The following FAM227A variants were observed in gnomAD, a reference collection of about 807,000 sequenced individuals.
FAM227A encodes the protein family with sequence similarity 227 member A.
A neutral mutation model predicts 74.7 loss-of-function variants in FAM227A; 80 were observed. The observed-to-expected ratio is 1.07, with a 90% CI of 0.89 to 1.29. The LOEUF (loss-of-function observed/expected upper bound fraction) is 1.29. FAM227A is among the 50% of genes most tolerant of loss of function. The pLI is 0.00. For synonymous variants in FAM227A, 237 were observed against 241.8 expected (o/e 0.98, Z 0.19); for missense variants, 654 against 683.4 (o/e 0.96, Z 0.48).
At chr22:38,620,839 G>T in intron 10 of FAM227A, among the ~76,000 whole-genome samples, 1 of 151,926 alleles carries the variant, frequency 6.6e-6, no homozygotes, top group African/African-American at 2.4e-5. Context: ...AGTATGCACA[G>T]CTCTGTGCAT....
intron 11 of FAM227A, among the ~76,000 whole-genome samples, chr22:38,612,757 A>G (rs890585183): frequency 6.6e-6 from 1 of 151,976 alleles, no homozygotes; most frequent in African/African-American, 2.4e-5. Context: ...TTCAAGGAGT[A>G]GAGTAGAACT....
chr22:38,603,065 G>A (rs1245398766), intron 13 of FAM227A, among the ~76,000 whole-genome samples: 1 of 152,064 alleles, frequency 6.6e-6, no homozygotes, highest in East Asian at 1.9e-4. Context: ...GTAGAGGTGG[G>A]GTTTCGCCAT....
At chr22:38,617,023 G>A (rs1311475958) in intron 11 of FAM227A, among the ~76,000 whole-genome samples, 1 of 152,050 alleles carries the variant, frequency 6.6e-6, no homozygotes, top group Non-Finnish European at 1.5e-5. Context: ...TCCCTGGGTG[G>A]TGCTGGGGAG....
intron 3 of FAM227A, among the ~76,000 whole-genome samples, chr22:38,640,793 C>T (rs1356739938): frequency 1.3e-5 from 2 of 152,158 alleles, no homozygotes; most frequent in East Asian, 3.9e-4. Flanking sequence ...CATCAGGCTC[C>T]TGAGCTTGAT....
chr22:38,650,526 T>C (rs1233696274), intron 1 of FAM227A, among the ~76,000 whole-genome samples: 1 of 152,178 alleles, frequency 6.6e-6, no homozygotes. Flanking sequence ...GAAACTAGAA[T>C]GCGGAAAAGG....
intron 8 of FAM227A, among the ~76,000 whole-genome samples, chr22:38,626,887 AAAAAATATATATATATAT>A (rs1240639995): frequency 2.1e-5 from 2 of 96,286 alleles, no homozygotes; most frequent in African/African-American, 9.3e-5. Flanking sequence ...AAAAAAAAAA[AAAAAATATATATATATAT>A]ATATATATAC....
intron 11 of FAM227A, among the ~76,000 whole-genome samples, chr22:38,611,573 G>A (rs559896203): frequency 3.9e-5 from 6 of 152,220 alleles, no homozygotes; most frequent in African/African-American, 1.2e-4. Flanking sequence ...AATACCAGTC[G>A]CGATGCCCAT....
At chr22:38,613,166 C>T (rs2091468644) in intron 11 of FAM227A, among the ~76,000 whole-genome samples, 1 of 67,288 alleles carries the variant, frequency 1.5e-5, no homozygotes, top group Non-Finnish European at 2.5e-5. Context: ...TATATCTATG[C>T]TGTATATATA....
chr22:38,641,073 T>C (rs1271707501), intron 3 of FAM227A, among the ~76,000 whole-genome samples: 4 of 152,190 alleles, frequency 2.6e-5, no homozygotes, highest in Admixed American at 6.5e-5. Flanking sequence ...AATGTCATTA[T>C]AGCAGACACT....
At chr22:38,632,013 G>A (rs532647452) in intron 6 of FAM227A, among the ~76,000 whole-genome samples, 2 of 152,264 alleles carry the variant, frequency 1.3e-5, no homozygotes, top group South Asian at 4.1e-4. Flanking sequence ...AGTGCGCAGA[G>A]GTAGAGATGA....
At chr22:38,613,031 G>A (rs990347085) in intron 11 of FAM227A, among the ~76,000 whole-genome samples, 2 of 117,140 alleles carry the variant, frequency 1.7e-5, no homozygotes, top group Admixed American at 1.2e-4. Context: ...ATTCTACAAA[G>A]AAATATATTT....
intron 2 of FAM227A, among the ~76,000 whole-genome samples, chr22:38,647,714 C>T (rs565719460): frequency 2.6e-5 from 4 of 152,134 alleles, no homozygotes; most frequent in African/African-American, 9.6e-5. Context: ...TTTGTAAAAC[C>T]CCCATAATCC....
At chr22:38,593,619 T>A (rs1244983918) in intron 15 of FAM227A, among the ~76,000 whole-genome samples, 1 of 152,174 alleles carries the variant, frequency 6.6e-6, no homozygotes, top group African/African-American at 2.4e-5. Context: ...CCCTTCTCCA[T>A]CCCGACCCTC....
intron 10 of FAM227A, among the ~76,000 whole-genome samples, chr22:38,620,570 G>A (rs1410800197): frequency 4.6e-5 from 7 of 151,732 alleles, no homozygotes; most frequent in African/African-American, 1.5e-4. Flanking sequence ...TTGGGAGGCC[G>A]AGGCGGGCGG....
intron 5 of FAM227A, 45 bp from the exon 6 acceptor site, chr22:38,636,642 C>T (rs2092012555): frequency 1.3e-6 from 2 of 1,509,014 alleles, no homozygotes; most frequent in East Asian, 2.5e-5. Flanking sequence ...CACATTTTGA[C>T]AGTGTGAAAC....
rs1488739365 is a variant in FAM227A, at chr22:38,579,811, A to G, written c.*6314T>C. On this transcript the variant is annotated 3_prime_UTR_variant, in exon 17 of 17. Transcript: ENST00000535113. ...TAATGCTATTATCACGCCTAGAATA[A>G]TTTTATATATAAAATATTTAAGATT... The G allele has an allele frequency of 3.3e-5, 5 of 152,210 alleles. No individual in the cohort carries two copies. Among genetic ancestry groups the G allele is most frequent in the African/African-American group, 1.2e-4 (5 of 41,450 alleles). The allele number at this position is 152,210 out of a possible 1,614,324, so 9.4% of individuals were successfully genotyped here. A position where few individuals can be genotyped will look rare whatever the true frequency, so the allele number is the denominator to read the frequency against.
intron 11 of FAM227A, among the ~76,000 whole-genome samples, chr22:38,616,412 C>G (rs992774684): frequency 6.6e-6 from 1 of 152,136 alleles, no homozygotes; most frequent in Non-Finnish European, 1.5e-5. Context: ...CCTGTAATCC[C>G]AGCACTTTGG....
At chr22:38,618,601 ACTGT>A (rs769827526) in intron 11 of FAM227A, 10 of 152,140 alleles carry the variant, frequency 6.6e-5, no homozygotes, top group South Asian at 2.1e-4. Context: ...CTCCTGTTAA[ACTGT>A]CTATCTTTTG....
chr22:38,650,801 C>G (rs1358768218), intron 1 of FAM227A, among the ~76,000 whole-genome samples: 3 of 152,152 alleles, frequency 2.0e-5, no homozygotes, highest in Non-Finnish European at 4.4e-5. Context: ...CTGCAACACT[C>G]TGGTCTAACA....
Sources: gnomAD v4.1 joint callset for allele counts (sites outside exome capture counted in the v4.1 genomes callset) on GRCh38, gnomAD v4.1.1 for gene constraint, MANE v1.5 for transcripts, NCBI Gene and HGNC (gene_info 2026-07-23, HGNC 2026-07-21) for gene names.